Variants in DPYD observed in about 807,000 individuals in gnomAD.
DPYD encodes the protein dihydropyrimidine dehydrogenase [NADP(+)].
Under a neutral mutation model 116.2 loss-of-function variants are expected in DPYD, and 109 were observed. The observed-to-expected ratio is 0.94, with a 90% confidence interval of 0.80 to 1.10. The LOEUF is 1.10. Among genes scored for constraint, DPYD ranks in the 50% least tolerant of loss-of-function variants. DPYD has a pLI of 0.00. For missense variants in DPYD, 1,302 were observed against 1,254.5 expected (o/e 1.04, Z -0.57); for synonymous variants, 440 against 432.0 (o/e 1.02, Z -0.23).
chr1:97,224,849 T>A (rs1661007959), intron 19 of DPYD, among the ~76,000 whole-genome samples: 2 of 152,002 alleles, frequency 1.3e-5, no homozygotes, highest in Admixed American at 6.6e-5. Flanking sequence ...GGATCTTTTT[T>A]ACAGCTGAAC....
chr1:97,394,072 T>A (rs1162919680), intron 14 of DPYD: 2 of 152,206 alleles, frequency 1.3e-5, no homozygotes, highest in Admixed American at 1.3e-4. Context: ...ATGTGTCTTT[T>A]GGCTGCATAA....
intron 13 of DPYD, among the ~76,000 whole-genome samples, chr1:97,501,138 A>G (rs887482161): frequency 1.3e-5 from 2 of 152,010 alleles, no homozygotes; most frequent in Admixed American, 1.3e-4. Context: ...AGTGGGTAAT[A>G]TTATATAACA....
intron 13 of DPYD, among the ~76,000 whole-genome samples, chr1:97,471,601 T>G (rs888135419): frequency 2.0e-5 from 3 of 152,014 alleles, no homozygotes; most frequent in African/African-American, 7.2e-5. Context: ...TTCCTTTTTT[T>G]TTTTTTTGAG....
intron 13 of DPYD, among the ~76,000 whole-genome samples, chr1:97,507,020 C>T (rs1647389251): frequency 6.6e-6 from 1 of 151,964 alleles, no homozygotes; most frequent in African/African-American, 2.4e-5. Flanking sequence ...TGCAAGCACA[C>T]ATACAGGTTC....
intron 2 of DPYD, among the ~76,000 whole-genome samples, chr1:97,829,858 C>T (rs750233595): frequency 6.6e-6 from 1 of 151,918 alleles, no homozygotes; most frequent in Non-Finnish European, 1.5e-5. Flanking sequence ...GTCAGCTCGT[C>T]ATTTACATTA....
At chr1:97,604,546 T>C (rs1188302740) in intron 8 of DPYD, among the ~76,000 whole-genome samples, 1 of 151,306 alleles carries the variant, frequency 6.6e-6, no homozygotes, top group Non-Finnish European at 1.5e-5. Context: ...GTCATTACTG[T>C]AATTTCATAA....
chr1:97,219,192 G>C (rs1660624031), intron 19 of DPYD, among the ~76,000 whole-genome samples: 2 of 152,080 alleles, frequency 1.3e-5, no homozygotes, highest in African/African-American at 4.8e-5. Flanking sequence ...CAAAACAGTG[G>C]GGTACAAAAC....
At chr1:97,187,177 A>G (rs1000156963) in intron 20 of DPYD, among the ~76,000 whole-genome samples, 3 of 152,068 alleles carry the variant, frequency 2.0e-5, no homozygotes, top group African/African-American at 7.2e-5. Context: ...GGTTTGAACT[A>G]TTTACATTCC....
At chr1:97,292,308 A>T (rs1666245803) in intron 18 of DPYD, among the ~76,000 whole-genome samples, 1 of 152,160 alleles carries the variant, frequency 6.6e-6, no homozygotes, top group African/African-American at 2.4e-5. Flanking sequence ...ATTCACTCAC[A>T]GTTCTGCAGG....
intron 8 of DPYD, among the ~76,000 whole-genome samples, chr1:97,630,090 CAGTT>C (rs1557847905): frequency 1.3e-5 from 2 of 151,512 alleles, no homozygotes; most frequent in Admixed American, 6.6e-5. Context: ...TATATTATGA[CAGTT>C]TGTTTAACCA....
chr1:97,371,160 T>A (rs1671292942), intron 16 of DPYD, among the ~76,000 whole-genome samples: 2 of 152,118 alleles, frequency 1.3e-5, no homozygotes, highest in Admixed American at 1.3e-4. Flanking sequence ...CATTTTTCAC[T>A]CATTAAATAT....
chr1:97,371,673 C>T (rs1372389467), intron 16 of DPYD, among the ~76,000 whole-genome samples: 2 of 152,150 alleles, frequency 1.3e-5, no homozygotes, highest in African/African-American at 4.8e-5. Context: ...ATTCATGTGT[C>T]CTCAGGCAGA....
At chr1:97,918,319 A>AC (rs1438285860) in intron 1 of DPYD, among the ~76,000 whole-genome samples, 1 of 152,170 alleles carries the variant, frequency 6.6e-6, no homozygotes, top group African/African-American at 2.4e-5. Context: ...GCCCAAACAC[A>AC]CAGCTTAAAG....
intron 4 of DPYD, among the ~76,000 whole-genome samples, chr1:97,735,587 C>G (rs978733459): frequency 2.0e-5 from 3 of 150,518 alleles, no homozygotes; most frequent in Non-Finnish European, 4.4e-5. Flanking sequence ...ACTCTGGAGG[C>G]TGAGGCAGGA....
At chr1:97,765,962 G>A (rs932846903) in intron 3 of DPYD, among the ~76,000 whole-genome samples, 1 of 152,174 alleles carries the variant, frequency 6.6e-6, no homozygotes, top group South Asian at 2.1e-4. Context: ...AAACTGTTGT[G>A]GCCAGGTGCG....
chr1:97,561,106 A>C (rs926277166), intron 11 of DPYD, among the ~76,000 whole-genome samples: 1 of 152,212 alleles, frequency 6.6e-6, no homozygotes, highest in Non-Finnish European at 1.5e-5. Flanking sequence ...ATAGGACAGC[A>C]TTTGTAGATT....
At chr1:97,148,250 GT>G (rs59376282) in intron 20 of DPYD, among the ~76,000 whole-genome samples, 31,767 of 131,242 alleles carry the variant, frequency 0.24, 3,992 homozygotes, top group African/African-American at 0.4. Flanking sequence ...GTGTGTGTGT[GT>G]GTGGGGGGGG....
chr1:97,354,030 T>C (rs1273806498), intron 16 of DPYD, among the ~76,000 whole-genome samples: 7 of 152,194 alleles, frequency 4.6e-5, no homozygotes, highest in African/African-American at 1.4e-4. Flanking sequence ...TTCCTTCATC[T>C]GTAAAATGGG....
chr1:97,210,915 A>G (rs2101870395), intron 19 of DPYD, among the ~76,000 whole-genome samples: 1 of 152,272 alleles, frequency 6.6e-6, no homozygotes, highest in East Asian at 1.9e-4. Flanking sequence ...TATATCGTGA[A>G]TCTATTTGTT....
Sources: allele counts gnomAD v4.1 joint callset (sites outside exome capture counted in the v4.1 genomes callset), GRCh38; gene constraint gnomAD v4.1.1; transcripts MANE v1.5; gene names NCBI Gene and HGNC (gene_info 2026-07-23, HGNC 2026-07-21).